Variants in CHRNA4 observed in about 807,000 individuals in gnomAD.
The protein encoded by CHRNA4 is cholinergic receptor nicotinic alpha 4 subunit, also known as neuronal acetylcholine receptor subunit alpha-4.
CHRNA4 carries 28 observed loss-of-function variants against 48.9 expected under a neutral mutation model. The observed-to-expected ratio is 0.57, with a 90% CI of 0.42 to 0.79. The LOEUF is 0.79. Among genes scored for constraint, CHRNA4 ranks in the 30% least tolerant of loss-of-function variants. The probability of loss-of-function intolerance (pLI) is 0.00; values close to 1 mark genes in which losing one functional copy is unlikely to be tolerated. For missense variants in CHRNA4, 859 were observed against 898.4 expected (o/e 0.96, Z 0.56); for synonymous variants, 425 against 402.3 (o/e 1.06, Z -0.68).
At chr20:63,361,053 G>T (rs1354489416) in intron 1 of CHRNA4, 37 bp downstream of exon 1, 1 of 1,396,996 alleles carries the variant, frequency 7.2e-7, no homozygotes, top group Non-Finnish European at 9.3e-7. Flanking sequence ...ATCCGAACGC[G>T]GGCGAAAGGG....
Position 63,346,614 on chromosome 20 carries a change from G to C in CHRNA4, c.*124C>G. 7.2e-7 allele frequency: 1 copy of C among 1,390,696 alleles called. No individual in the cohort carries two copies. Among genetic ancestry groups the C allele is most frequent in the Non-Finnish European group, 9.8e-7 (1 of 1,016,930 alleles). The allele number at this position is 1,390,696 out of a possible 1,614,324, so 86.1% of individuals were successfully genotyped here. On this transcript the variant is annotated 3_prime_UTR_variant, in exon 6 of 6. Coordinates refer to ENST00000370263, the MANE Select transcript of CHRNA4 (RefSeq NM_000744.7). ...TCTTACAGCAGACACAGAACAGGAAGGAAAATTTGGCAAACGTGTGGCCCC... is the reference window on the plus strand; with the variant it reads ...TCTTACAGCAGACACAGAACAGGAACGAAAATTTGGCAAACGTGTGGCCCC...
In CHRNA4 at chr20:63,346,882, T is replaced by G. The variant is rs370147172; in HGVS notation, c.1759-19A>C. 6.8e-6 allele frequency: 11 copies of G among 1,611,836 alleles called. No homozygotes were observed. In the African/African-American group the frequency reaches 1.5e-4, roughly 22 times the overall value. On this transcript the variant is annotated intron_variant, in intron 5 of 5. Coordinates refer to ENST00000370263, the MANE Select transcript of CHRNA4 (RefSeq NM_000744.7). ...CCTTCACCTGCAAGCACAGACGCCG[T>G]CACTCCAGCACGGCCCGGCCGCCGC...
intron 4 of CHRNA4, among the ~76,000 whole-genome samples, chr20:63,353,018 G>A (rs2068639661): frequency 6.6e-6 from 1 of 152,208 alleles, no homozygotes; most frequent in Admixed American, 6.5e-5. Flanking sequence ...AGGGTCTGAG[G>A]AGCCGCCCAG....
chr20:63,348,660 T>C (rs1483986497), intron 5 of CHRNA4, among the ~76,000 whole-genome samples: 2 of 152,048 alleles, frequency 1.3e-5, no homozygotes, highest in African/African-American at 4.8e-5. Flanking sequence ...CGACAGCAGG[T>C]GGATGGACAG....
intron 5 of CHRNA4, among the ~76,000 whole-genome samples, chr20:63,347,367 G>A (rs569317737): frequency 2.0e-3 from 305 of 152,324 alleles, no homozygotes; most frequent in African/African-American, 6.8e-3. Flanking sequence ...CAGAGCTGCC[G>A]CCATCTGCAG....
chr20:63,358,257 A>G (rs2068749240), intron 2 of CHRNA4, among the ~76,000 whole-genome samples: 1 of 152,148 alleles, frequency 6.6e-6, no homozygotes, highest in Non-Finnish European at 1.5e-5. Flanking sequence ...GCCACCACTG[A>G]GCAGCCTGTC....
intron 4 of CHRNA4, chr20:63,355,285 C>T (rs918579016): frequency 1.4e-5 from 5 of 351,732 alleles, no homozygotes; most frequent in Non-Finnish European, 2.8e-5. Flanking sequence ...ACGGCCAATC[C>T]GTGGCAACGC....
chr20:63,357,797 C>T (rs995589672), intron 2 of CHRNA4, among the ~76,000 whole-genome samples: 1 of 152,246 alleles, frequency 6.6e-6, no homozygotes, highest in Non-Finnish European at 1.5e-5. Context: ...CCAGGAGCGT[C>T]AGCACCCACG....
Position 63,349,820 on chromosome 20 carries a change from A to G in CHRNA4, c.1591T>C (p.Cys531Arg). 6.2e-7 allele frequency: 1 copy of G among 1,601,452 alleles called. No homozygotes were observed. The highest frequency in any genetic ancestry group is 1.1e-5 in the South Asian group (1 of 90,632). Residue 531 changes from cysteine to arginine, a missense_variant, in exon 5 of 6, where the codon TGC becomes CGC. Transcript: ENST00000370263. ...PPPDQPSPCK[C>R]TCKKEPSSVS... ...GAAGAGGGCTCCTTCTTGCATGTGC[A>G]TTTGCACGGAGAGGGCTGGTCTGGG...
intron 2 of CHRNA4, 179 bp downstream of exon 2, chr20:63,359,369 C>T: frequency 2.5e-6 from 2 of 785,824 alleles, no homozygotes; most frequent in East Asian, 2.7e-5. Flanking sequence ...CTGAATCAAC[C>T]CTTGGCTGGG....
chr20:63,359,542 A>G lies in CHRNA4; in HGVS notation c.228+6T>C, dbSNP rs367917715. On this transcript the variant is annotated splice_donor_region_variant and intron_variant, in intron 2 of 5. Transcript: ENST00000370263. ...CACAGTGCACGATGGCCACGCCCTC[A>G]CCTACCACGTCAATGAGCTGAGCGA... 5 of 1,612,438 alleles carry G rather than the reference A, an allele frequency of 3.1e-6. No homozygotes were observed. Among genetic ancestry groups the G allele is most frequent in the South Asian group, 1.1e-5 (1 of 91,078 alleles).
In CHRNA4 at chr20:63,346,685, G is replaced by A; in HGVS notation, c.*53C>T. 1 of 1,572,810 alleles carries A rather than the reference G, an allele frequency of 6.4e-7. No homozygotes were observed. The highest frequency in any genetic ancestry group is 8.6e-7 in the Non-Finnish European group (1 of 1,165,256). On this transcript the variant is annotated 3_prime_UTR_variant, in exon 6 of 6. Transcript: ENST00000370263. ...AGCCCGGCCCCAGGCCGGCCGCATG[G>A]ATGCTGGCCCCGTGCACGGCAGCCC...
chr20:63,355,959 G>A lies in CHRNA4; in HGVS notation c.383+16C>T, dbSNP rs1211345378. On this transcript the variant is annotated intron_variant, in intron 4 of 5. Transcript: ENST00000370263. ...CCAAGGCCCTGTAGAGGACTCACTT[G>A]TTGTAGAGGACTCACTTGTTGTAGA... is the stretch of plus-strand genomic sequence containing the variant. 2 of 1,611,264 alleles carry A rather than the reference G, an allele frequency of 1.2e-6. No individual in the cohort carries two copies. Among genetic ancestry groups the A allele is most frequent in the Admixed American group, 3.3e-5 (2 of 59,854 alleles).
chr20:63,355,674 G>A (rs1322923597), intron 4 of CHRNA4: 4 of 1,050,456 alleles, frequency 3.8e-6, no homozygotes, highest in Non-Finnish European at 5.3e-6. Flanking sequence ...CAGGGACACT[G>A]TGTCCAGGTG....
rs1325739530 is a variant in CHRNA4 at position 63,343,869 on chromosome 20, A to G, written c.*2869T>C. 2 of 454,192 alleles carry G rather than the reference A, an allele frequency of 4.4e-6. No homozygotes were observed. The highest frequency in any genetic ancestry group is 8.8e-6 in the Non-Finnish European group (2 of 226,808). The allele number at this position is 454,192 out of a possible 1,614,324, so 28.1% of individuals were successfully genotyped here. On this transcript the variant is annotated 3_prime_UTR_variant, in exon 6 of 6. Transcript: ENST00000370263. ...ACTTTGATAGGGGGTCGGGGGTCAC[A>G]GCCCTGGCAAGGTGGGTTCTAGGCA... is the stretch of plus-strand genomic sequence containing the variant.
At chr20:63,352,851 G>A (rs2068636496) in intron 4 of CHRNA4, among the ~76,000 whole-genome samples, 1 of 152,108 alleles carries the variant, frequency 6.6e-6, no homozygotes, top group South Asian at 2.1e-4. Context: ...AGGTCCCACA[G>A]CACCCCTGGG....
chr20:63,349,440 GCCA>G, intron 5 of CHRNA4: 1 of 632,422 alleles, frequency 1.6e-6, no homozygotes, highest in East Asian at 2.7e-5. Flanking sequence ...CCCTGTGCCA[GCCA>G]CTCGGGGCCC....
rs201774822 is a variant in CHRNA4 at position 63,345,531 on chromosome 20, C to A, written c.*1207G>T. 6.8e-4 allele frequency: 282 copies of A among 414,532 alleles called. 1 individual carries two copies. The highest frequency in any genetic ancestry group is 4.9e-3 in the African/African-American group (240 of 49,116). The allele number at this position is 414,532 out of a possible 1,614,324, so 25.7% of individuals were successfully genotyped here. On this transcript the variant is annotated 3_prime_UTR_variant, in exon 6 of 6. Coordinates refer to ENST00000370263, the MANE Select transcript of CHRNA4 (RefSeq NM_000744.7). This position sits in a 1 kb window ranked among gnomAD's most constrained non-coding sequence, Gnocchi z 5.4. The stretch of plus-strand genomic sequence containing the variant: ...GGTCATGCCTGGAAACATTTCAGGC[C>A]TCCCTCACCTCTGGATACCGCCTGC...
In CHRNA4 at chr20:63,344,241, C is replaced by T. The variant is rs200412459; in HGVS notation, c.*2497G>A. The T allele has an allele frequency of 1.8e-5, 8 of 453,816 alleles. No individual in the cohort carries two copies. The highest frequency in any genetic ancestry group is 8.0e-5 in the African/African-American group (4 of 49,932). The allele number at this position is 453,816 out of a possible 1,614,324, so 28.1% of individuals were successfully genotyped here. On this transcript the variant is annotated 3_prime_UTR_variant, in exon 6 of 6. Coordinates refer to ENST00000370263, the MANE Select transcript of CHRNA4 (RefSeq NM_000744.7). The surrounding 1 kb of genome is among the most constrained non-coding windows in gnomAD (Gnocchi z 4.5). Reference sequence around the variant, plus strand: ...CTCCAACTGCAGGATTCTGACTCCTCGAAGGTCGTGAGCCGGAGAGGTCAA... The same window carrying T: ...CTCCAACTGCAGGATTCTGACTCCTTGAAGGTCGTGAGCCGGAGAGGTCAA...
Sources: allele counts gnomAD v4.1 joint callset (sites outside exome capture counted in the v4.1 genomes callset), GRCh38; gene constraint gnomAD v4.1.1; non-coding constraint Gnocchi (gnomAD v3.1); transcripts MANE v1.5; gene names NCBI Gene and HGNC (gene_info 2026-07-23, HGNC 2026-07-21).